The following ATP2C1 variants were observed in gnomAD, a reference collection of about 807,000 sequenced individuals.
The protein encoded by ATP2C1 is ATPase secretory pathway Ca2+ transporting 1.
Under a neutral mutation model 120.5 loss-of-function variants are expected in ATP2C1, and 31 were observed. The observed-to-expected ratio is 0.26, with a 90% CI of 0.19 to 0.35. The LOEUF (loss-of-function observed/expected upper bound fraction) is 0.35. Ranked by LOEUF, ATP2C1 falls within the 10% of genes least tolerant of loss-of-function variation. ATP2C1 has a pLI of 1.00. For synonymous variants in ATP2C1, 351 were observed against 358.7 expected (o/e 0.98, Z 0.24); for missense variants, 731 against 1,107.5 (o/e 0.66, Z 4.83).
Position 131,001,704 on chromosome 3 carries a change from T to C in ATP2C1, c.*354T>C. 1 of 971,442 alleles carries C rather than the reference T, an allele frequency of 1.0e-6. No individual in the cohort carries two copies. The highest frequency in any genetic ancestry group is 1.2e-6 in the Non-Finnish European group (1 of 816,366). The allele number at this position is 971,442 out of a possible 1,614,324, so 60.2% of individuals were successfully genotyped here. On this transcript the variant is annotated 3_prime_UTR_variant, in exon 28 of 28. Transcript: ENST00000510168. ...TTAGATAGATATATTTTTTTTTATT[T>C]TTAAATATTGTACTATTTATGGTGG...
intron 26 of ATP2C1, chr3:131,014,260 A>ACCTTGTG (rs780057819): frequency 6.2e-7 from 1 of 1,612,604 alleles, no homozygotes; most frequent in Non-Finnish European, 8.5e-7. Flanking sequence ...GGGGCATATG[A>ACCTTGTG]CCTTGTGGCA....
chr3:130,988,196 C>T (rs765526845), intron 20 of ATP2C1, among the ~76,000 whole-genome samples: 2 of 152,074 alleles, frequency 1.3e-5, no homozygotes, highest in Non-Finnish European at 2.9e-5. Context: ...TGAGGATCTT[C>T]GGTAGGTTAT....
At chr3:130,908,020 A>C (rs2058218932) in intron 2 of ATP2C1, among the ~76,000 whole-genome samples, 1 of 152,096 alleles carries the variant, frequency 6.6e-6, no homozygotes, top group Non-Finnish European at 1.5e-5. Context: ...AAGAAATGCA[A>C]ATTAAAAACA....
intron 20 of ATP2C1, among the ~76,000 whole-genome samples, chr3:130,991,408 T>G (rs2062335468): frequency 6.6e-6 from 1 of 152,070 alleles, no homozygotes; most frequent in South Asian, 2.1e-4. Flanking sequence ...TGGGATGGAT[T>G]CAGAGAGAAT....
At chr3:130,954,671 G>A (rs1013201482) in intron 9 of ATP2C1, among the ~76,000 whole-genome samples, 7 of 152,196 alleles carry the variant, frequency 4.6e-5, no homozygotes, top group African/African-American at 1.2e-4. Context: ...ATTTTTAGTA[G>A]AGATGGCATT....
At chr3:130,854,543 C>G (rs941677342) in intron 1 of ATP2C1, among the ~76,000 whole-genome samples, 2 of 152,184 alleles carry the variant, frequency 1.3e-5, no homozygotes, top group Admixed American at 1.3e-4. Flanking sequence ...GACTCAGCAG[C>G]CTGATCTGTG....
chr3:130,900,124 A>T (rs186757702), intron 2 of ATP2C1, among the ~76,000 whole-genome samples: 1 of 152,014 alleles, frequency 6.6e-6, no homozygotes, highest in East Asian at 1.9e-4. Context: ...ACACAGTAGC[A>T]TCATTATAGC....
chr3:130,967,929 C>A (rs879872601), intron 16 of ATP2C1, among the ~76,000 whole-genome samples: 1 of 152,004 alleles, frequency 6.6e-6, no homozygotes, highest in African/African-American at 2.4e-5. Context: ...TTCATCTGTC[C>A]CAATCCGTCT....
In ATP2C1 at chr3:130,894,167, T is replaced by G; in HGVS notation, c.-351T>G. The stretch of plus-strand genomic sequence containing the variant: ...TCTTCTCTCCCCTCCCCGCCCGCCC[T>G]CTCTCCCTCCCTTCCTCCCTCCCGC... On this transcript the variant is annotated 5_prime_UTR_variant, in exon 1 of 28. Coordinates refer to ENST00000510168, the MANE Select transcript of ATP2C1 (RefSeq NM_001378687.1). This position sits in a 1 kb window ranked among gnomAD's most constrained non-coding sequence, Gnocchi z 4.5. 3 of 252,970 alleles carry G rather than the reference T, an allele frequency of 1.2e-5. No homozygotes were observed. Among genetic ancestry groups the G allele is most frequent in the Non-Finnish European group, 1.5e-5 (3 of 198,762 alleles). The allele number at this position is 252,970 out of a possible 1,614,324, so 15.7% of individuals were successfully genotyped here.
In ATP2C1 at chr3:130,870,170, CA is replaced by C. The variant is rs774823282; in HGVS notation, c.108+19253del. ...TATTTTAAGCCCACTGTTGAGACCT[CA>C]AAAAAAAAAATAGATTCCTTTCAAA... On this transcript the variant is annotated intron_variant, in intron 1 of 26. Coordinates refer to the ATP2C1 transcript ENST00000504381. Among the ~76,000 whole-genome samples the C allele has an allele frequency of 1.1e-3, 160 of 145,518 alleles. No homozygotes were observed. In the East Asian group the frequency reaches 0.015, roughly 14 times the overall value.
intron 1 of ATP2C1, among the ~76,000 whole-genome samples, chr3:130,865,033 C>A (rs535411251): frequency 6.6e-6 from 1 of 152,054 alleles, no homozygotes; most frequent in African/African-American, 2.4e-5. Context: ...CTAGAAAAGC[C>A]GCAGACACTC....
chr3:130,949,632 G>C (rs180836325), intron 8 of ATP2C1, among the ~76,000 whole-genome samples: 15 of 151,558 alleles, frequency 9.9e-5, no homozygotes, highest in African/African-American at 3.4e-4. Flanking sequence ...TGTATCTTCT[G>C]AATAACTTTC....
intron 1 of ATP2C1, among the ~76,000 whole-genome samples, chr3:130,864,975 C>CCT (rs1412871593): frequency 1.3e-5 from 2 of 152,290 alleles, no homozygotes; most frequent in East Asian, 3.9e-4. Context: ...GGGCCACCAT[C>CCT]CTCCAGACCC....
chr3:130,907,758 C>G (rs1351578017), intron 2 of ATP2C1, among the ~76,000 whole-genome samples: 1 of 142,522 alleles, frequency 7.0e-6, no homozygotes, highest in African/African-American at 2.6e-5. Context: ...ATTGTTTTGT[C>G]TATTCTGGAT....
Position 130,954,055 on chromosome 3 carries a change from G to T in ATP2C1, c.687+79G>T, listed in dbSNP as rs1015155182. The T allele has an allele frequency of 4.4e-5, 66 of 1,498,956 alleles. 1 individual carries two copies. In the Admixed American group the frequency reaches 1.1e-3, roughly 26 times the overall value. The allele number at this position is 1,498,956 out of a possible 1,614,324, so 92.9% of individuals were successfully genotyped here. A position where few individuals can be genotyped will look rare whatever the true frequency, so the allele number is the denominator to read the frequency against. On this transcript the variant is annotated intron_variant, in intron 9 of 27. Transcript: ENST00000510168. ...CTCAATTATTTTTTGCTGATTTTAT[G>T]TGGAATTTTTCAAATACATGACAAA...
At chr3:130,871,544 A>G (rs1310498358) in intron 1 of ATP2C1, among the ~76,000 whole-genome samples, 1 of 152,236 alleles carries the variant, frequency 6.6e-6, no homozygotes, top group East Asian at 1.9e-4. Flanking sequence ...GATGATGTAT[A>G]TTTCCAAAAT....
At chr3:130,974,236 A>G (rs568049589) in intron 17 of ATP2C1, among the ~76,000 whole-genome samples, 89 of 152,364 alleles carry the variant, frequency 5.8e-4, no homozygotes, top group African/African-American at 2.1e-3. Context: ...GAACAGGAAA[A>G]GAAGTATCCT....
intron 2 of ATP2C1, chr3:130,918,496 C>A: frequency 1.3e-6 from 1 of 778,970 alleles, no homozygotes; most frequent in Non-Finnish European, 2.4e-6. Flanking sequence ...TTTGGATTTG[C>A]TTGTAGGCAT....
chr3:131,016,042 G>GT (rs1491240724), intron 26 of ATP2C1: 17 of 1,295,434 alleles, frequency 1.3e-5, no homozygotes, highest in Middle Eastern at 1.8e-4. Flanking sequence ...TTTTTGTTTT[G>GT]GTTTTTTTTT....
Sources: gnomAD v4.1 joint callset for allele counts (sites outside exome capture counted in the v4.1 genomes callset) on GRCh38, gnomAD v4.1.1 for gene constraint, Gnocchi (gnomAD v3.1) non-coding constraint, MANE v1.5 for transcripts, NCBI Gene and HGNC (gene_info 2026-07-23, HGNC 2026-07-21) for gene names.